Variants in SUGP2 observed in about 807,000 individuals in gnomAD.
SUGP2 encodes SURP and G-patch domain containing 2, also known as SURP and G-patch domain-containing protein 2.
In SUGP2, 24 loss-of-function variants were observed where a neutral mutation model predicts 90.5. The ratio of observed to expected loss-of-function variants is 0.27; its 90% CI spans 0.19 to 0.37. The LOEUF (loss-of-function observed/expected upper bound fraction) is 0.37. Among genes scored for constraint, SUGP2 ranks in the 10% least tolerant of loss-of-function variants. The pLI, the probability that SUGP2 is intolerant of heterozygous loss-of-function variation, is 1.00. For synonymous variants in SUGP2, 473 were observed against 513.4 expected, an observed-to-expected ratio of 0.92 and a Z score of 1.06; for missense variants, 1,233 against 1,363.3, an observed-to-expected ratio of 0.90 and a Z score of 1.51.
intron 1 of SUGP2, among the ~76,000 whole-genome samples, chr19:19,032,400 T>A (rs1428861757): frequency 1.3e-5 from 2 of 152,062 alleles, no homozygotes; most frequent in Non-Finnish European, 2.9e-5. Flanking sequence ...CTCAAGTGAT[T>A]CGCCCGCTTC....
intron 7 of SUGP2, among the ~76,000 whole-genome samples, chr19:19,002,372 G>C (rs1383751112): frequency 2.0e-5 from 3 of 146,982 alleles, no homozygotes; most frequent in African/African-American, 7.5e-5. Flanking sequence ...AAGAACAAGA[G>C]TCCATCTCAA....
At chr19:19,017,771 C>T (rs2058556345) in intron 4 of SUGP2, among the ~76,000 whole-genome samples, 1 of 151,746 alleles carries the variant, frequency 6.6e-6, no homozygotes, top group African/African-American at 2.4e-5. Flanking sequence ...ATTCCGTTAA[C>T]AAATAATAAT....
At chr19:18,994,595 C>A in intron 9 of SUGP2, 109 bp from the exon 10 acceptor site, 1 of 1,413,314 alleles carries the variant, frequency 7.1e-7, no homozygotes. Flanking sequence ...TTGGGACACA[C>A]ACTGAGACAT....
At chr19:19,020,882 G>A (rs1034693576) in intron 3 of SUGP2, among the ~76,000 whole-genome samples, 2 of 151,982 alleles carry the variant, frequency 1.3e-5, no homozygotes, top group Admixed American at 6.6e-5. Flanking sequence ...AATGATGGCC[G>A]GGCACAATGG....
intron 8 of SUGP2, among the ~76,000 whole-genome samples, chr19:19,001,350 C>T (rs972406334): frequency 2.0e-5 from 3 of 152,178 alleles, no homozygotes; most frequent in Non-Finnish European, 4.4e-5. Flanking sequence ...GACATTATCT[C>T]GTTTATCTCT....
At position 19,030,166 on chromosome 19, in the gene SUGP2, CA is replaced by C. The variant is rs774420315; in HGVS notation, c.121+784del. Among the ~76,000 whole-genome samples the C allele has an allele frequency of 2.8e-3, 418 of 150,628 alleles. 2 individuals are homozygous for C. The highest frequency in any genetic ancestry group is 9.7e-3 in the African/African-American group (396 of 41,014). Reference sequence around the variant, plus strand: ...CATATCTATTAAAAAAAACAAAAAACAAAAAAAACAAAAACATAAAAAACAC... The same window carrying C: ...CATATCTATTAAAAAAAACAAAAAACAAAAAAACAAAAACATAAAAAACAC... On this transcript the variant is annotated intron_variant, in intron 2 of 10. Transcript: ENST00000452918.
chr19:18,994,469 C>A lies in SUGP2; in HGVS notation c.3146G>T (p.Gly1049Val), dbSNP rs1459519220. The change falls in exon 10 of 11, where the codon GGG (glycine) becomes GTG (valine). Residue 1049 changes from glycine (G) to valine (V), a missense_variant. By Grantham distance (109) the Gly-to-Val change is moderately radical. This residue lies in a region of SUGP2 where 53 missense variants were observed against 55.3 expected (regional missense o/e 0.96). Transcript: ENST00000452918. ...CTGCCCGTCAGCACCCAACCCTTCC[C>A]CTTCCGAGGGGGTTCCCCTAGGGAG... ...EPVSVGTPSE[G>V]EGLGADGQEH... 6.2e-7 allele frequency: 1 copy of A among 1,614,054 alleles called. No homozygotes were observed. The highest frequency in any genetic ancestry group is 1.3e-5 in the African/African-American group (1 of 74,926).
intron 8 of SUGP2, among the ~76,000 whole-genome samples, chr19:18,999,552 G>T (rs1312917865): frequency 6.6e-6 from 1 of 152,140 alleles, no homozygotes; most frequent in Non-Finnish European, 1.5e-5. Flanking sequence ...ACACCAAGGG[G>T]CACCAGATGC....
chr19:19,012,846 A>C (rs1292515363), intron 4 of SUGP2, among the ~76,000 whole-genome samples: 1 of 151,906 alleles, frequency 6.6e-6, no homozygotes, highest in Non-Finnish European at 1.5e-5. Context: ...AATTCCTCTT[A>C]TCATGGTTTT....
intron 8 of SUGP2, among the ~76,000 whole-genome samples, chr19:19,000,783 G>A (rs1478210722): frequency 1.3e-5 from 2 of 150,708 alleles, no homozygotes; most frequent in Non-Finnish European, 2.9e-5. Context: ...TCAGCTCACT[G>A]CAGCCACGAC....
At chr19:18,994,662 C>T (rs2057500977) in intron 9 of SUGP2, 176 bp from the exon 10 acceptor site, 6 of 900,362 alleles carry the variant, frequency 6.7e-6, no homozygotes, top group Middle Eastern at 7.1e-4. Context: ...TACTCACCCT[C>T]GAAGAGCTGG....
chr19:19,018,791 T>C lies in SUGP2; in HGVS notation c.1850+318A>G, dbSNP rs76101847. Among the ~76,000 whole-genome samples, 21 of 152,134 alleles carry C rather than the reference T, an allele frequency of 1.4e-4. No individual in the cohort carries two copies. In the East Asian group the frequency reaches 4.1e-3, roughly 29 times the overall value. ...AATAAATTGCAAACAACTGCAATGATGTATTACTAATCTTACTACCCTTAC... is the reference window on the plus strand; with the variant it reads ...AATAAATTGCAAACAACTGCAATGACGTATTACTAATCTTACTACCCTTAC... On this transcript the variant is annotated intron_variant, in intron 4 of 10. Coordinates refer to ENST00000452918, the MANE Select transcript of SUGP2 (RefSeq NM_001017392.5).
Position 19,025,426 on chromosome 19 carries a change from G to A in SUGP2, c.922C>T (p.Arg308Trp), listed in dbSNP as rs771610964. Residue 308 changes from arginine to tryptophan, a missense_variant, in exon 3 of 11, where the codon CGG (arginine) becomes TGG (tryptophan). Arg to Trp is a moderately radical substitution (Grantham distance 101, BLOSUM62 -3). Transcript: ENST00000452918. ...IPLGLDLKNL[R>W]LPRRKMSFDI... ...AAGCTCATCTTTCTTCTGGGGAGCC[G>A]AAGATTCTTCAGATCCAGCCCCAGA... The A allele has an allele frequency of 1.3e-5, 21 of 1,614,120 alleles. No homozygotes were observed. Among genetic ancestry groups the A allele is most frequent in the Non-Finnish European group, 1.5e-5 (18 of 1,180,022 alleles).
At chr19:19,027,869 C>T (rs1271833405) in intron 2 of SUGP2, among the ~76,000 whole-genome samples, 1 of 152,186 alleles carries the variant, frequency 6.6e-6, no homozygotes, top group African/African-American at 2.4e-5. Flanking sequence ...AACTCCTGAC[C>T]TTGTGATCCG....
intron 4 of SUGP2, among the ~76,000 whole-genome samples, chr19:19,015,256 G>A (rs943310052): frequency 4.6e-5 from 7 of 151,950 alleles, no homozygotes; most frequent in African/African-American, 1.7e-4. Flanking sequence ...AGATACAGAG[G>A]TAGCCGTGAG....
At chr19:19,033,251 G>C in intron 1 of SUGP2, 186 bp downstream of exon 1, 1 of 515,850 alleles carries the variant, frequency 1.9e-6, no homozygotes, top group Non-Finnish European at 2.6e-6. Context: ...GCGAGGAAAT[G>C]GGGGCGCCGG....
At chr19:19,022,163 T>C (rs534638395) in intron 3 of SUGP2, among the ~76,000 whole-genome samples, 8 of 152,052 alleles carry the variant, frequency 5.3e-5, no homozygotes, top group Middle Eastern at 3.2e-3. Flanking sequence ...TTTTTGTATT[T>C]TTAGTAGAGA....
intron 2 of SUGP2, among the ~76,000 whole-genome samples, chr19:19,027,915 C>T (rs1478001832): frequency 6.6e-6 from 1 of 152,182 alleles, no homozygotes; most frequent in Non-Finnish European, 1.5e-5. Flanking sequence ...GGATTACAGG[C>T]GTGAGCCACC....
intron 7 of SUGP2, among the ~76,000 whole-genome samples, chr19:19,002,303 C>T (rs2057866022): frequency 6.6e-6 from 1 of 151,776 alleles, no homozygotes; most frequent in Non-Finnish European, 1.5e-5. Context: ...TAACTTGAAC[C>T]CGGGAGGCAG....
Sources: gnomAD v4.1 joint callset for allele counts (sites outside exome capture counted in the v4.1 genomes callset) on GRCh38, gnomAD v4.1.1 for gene constraint, gnomAD v4.1.1 regional missense constraint, MANE v1.5 for transcripts, NCBI Gene and HGNC (gene_info 2026-07-23, HGNC 2026-07-21) for gene names.